The following CDH13 variants were observed in gnomAD, a reference collection of about 807,000 sequenced individuals.
The protein encoded by CDH13 is cadherin-13.
A neutral mutation model predicts 63.8 loss-of-function variants in CDH13; 24 were observed. That is an observed-to-expected ratio of 0.38 (90% CI 0.27 to 0.53). The LOEUF is 0.53. Ranked by LOEUF, CDH13 falls within the 20% of genes least tolerant of loss-of-function variation. The pLI is 0.85. For synonymous variants in CDH13, 503 were observed against 355.3 expected (o/e 1.42, Z -4.67); for missense variants, 1,049 against 903.1 (o/e 1.16, Z -2.07).
chr16:83,308,400 G>A (rs2089926756), intron 5 of CDH13, among the ~76,000 whole-genome samples: 1 of 152,184 alleles, frequency 6.6e-6, no homozygotes, highest in Non-Finnish European at 1.5e-5. Flanking sequence ...GATTTTCCTG[G>A]TGAGATTTCA....
chr16:83,732,714 T>A (rs1373931743), intron 10 of CDH13, among the ~76,000 whole-genome samples: 1 of 152,066 alleles, frequency 6.6e-6, no homozygotes. Context: ...ATACATCTCA[T>A]CCCCCTTGCT....
At chr16:83,352,593 A>G (rs1346533333) in intron 6 of CDH13, among the ~76,000 whole-genome samples, 1 of 152,228 alleles carries the variant, frequency 6.6e-6, no homozygotes, top group African/African-American at 2.4e-5. Flanking sequence ...ATTCAGCCAT[A>G]TAAAAGTATA....
At chr16:83,315,967 C>A (rs911023329) in intron 5 of CDH13, among the ~76,000 whole-genome samples, 1 of 152,136 alleles carries the variant, frequency 6.6e-6, no homozygotes, top group Non-Finnish European at 1.5e-5. Context: ...ACCCAAATTA[C>A]TGGGTAATTT....
intron 7 of CDH13, among the ~76,000 whole-genome samples, chr16:83,489,518 A>G (rs1470659819): frequency 6.6e-6 from 1 of 152,214 alleles, no homozygotes; most frequent in African/African-American, 2.4e-5. Context: ...TTGTGCTGTG[A>G]TAAGCTTCAC....
chr16:83,246,068 C>A (rs117612333), intron 5 of CDH13, among the ~76,000 whole-genome samples: 1 of 152,242 alleles, frequency 6.6e-6, no homozygotes, highest in Admixed American at 6.5e-5. Flanking sequence ...ACCAGGATGT[C>A]TTTTGTCCCA....
chr16:83,665,706 C>G (rs1002215724), intron 8 of CDH13, among the ~76,000 whole-genome samples: 7 of 152,220 alleles, frequency 4.6e-5, no homozygotes, highest in Admixed American at 2.6e-4. Flanking sequence ...TGCAACTAGT[C>G]AAGCATGCAA....
intron 10 of CDH13, among the ~76,000 whole-genome samples, chr16:83,730,975 T>C (rs1360913774): frequency 6.6e-6 from 1 of 152,240 alleles, no homozygotes; most frequent in Non-Finnish European, 1.5e-5. Flanking sequence ...GCATCCATGT[T>C]GCTGCAAAGA....
intron 4 of CDH13, among the ~76,000 whole-genome samples, chr16:83,141,359 AG>A (rs760152530): frequency 8.5e-4 from 129 of 152,288 alleles, no homozygotes; most frequent in Non-Finnish European, 1.4e-3. Flanking sequence ...GGGATGTCCC[AG>A]GGTTTTTAGG....
chr16:83,235,409 C>T (rs994076156), intron 5 of CDH13, among the ~76,000 whole-genome samples: 3 of 152,142 alleles, frequency 2.0e-5, no homozygotes, highest in African/African-American at 7.2e-5. Context: ...TTATGTGAGC[C>T]TTCATCTAAC....
chr16:83,352,738 A>C (rs918081539), intron 6 of CDH13, among the ~76,000 whole-genome samples: 7 of 152,148 alleles, frequency 4.6e-5, no homozygotes, highest in African/African-American at 9.7e-5. Flanking sequence ...AAAATACAAA[A>C]AATTAGCCAG....
At chr16:82,747,233 C>T (rs545060381) in intron 1 of CDH13, among the ~76,000 whole-genome samples, 82 of 152,258 alleles carry the variant, frequency 5.4e-4, no homozygotes, top group African/African-American at 1.4e-3. Flanking sequence ...ATCAGCATAC[C>T]TGGGACCTGG....
At chr16:82,749,998 G>A (rs989654415) in intron 1 of CDH13, among the ~76,000 whole-genome samples, 2 of 152,080 alleles carry the variant, frequency 1.3e-5, no homozygotes, top group African/African-American at 2.4e-5. Flanking sequence ...GGTATTCCTG[G>A]GTGGGGCCAA....
intron 4 of CDH13, among the ~76,000 whole-genome samples, chr16:83,159,367 G>A (rs1278401323): frequency 6.6e-6 from 1 of 152,066 alleles, no homozygotes. Context: ...TGAATCCACA[G>A]TTTTATTTTA....
chr16:82,969,098 C>T (rs1225439836), intron 2 of CDH13, among the ~76,000 whole-genome samples: 9 of 152,124 alleles, frequency 5.9e-5, no homozygotes, highest in Admixed American at 1.3e-4. Flanking sequence ...CAGAATGAGA[C>T]TCTCTCTCAA....
intron 8 of CDH13, among the ~76,000 whole-genome samples, chr16:83,614,698 C>A (rs1909142447): frequency 6.6e-6 from 1 of 152,114 alleles, no homozygotes; most frequent in African/African-American, 2.4e-5. Flanking sequence ...TTTCCCCAAT[C>A]ATCATAAAGA....
chr16:83,047,155 C>T lies in CDH13; in HGVS notation c.366+14937C>T, dbSNP rs1160842355. Among the ~76,000 whole-genome samples the T allele has an allele frequency of 6.6e-6, 1 of 152,050 alleles. No individual in the cohort carries two copies. Among genetic ancestry groups the T allele is most frequent in the East Asian group, 1.9e-4 (1 of 5,182 alleles). On this transcript the variant is annotated intron_variant, in intron 3 of 13. Coordinates refer to ENST00000567109, the MANE Select transcript of CDH13 (RefSeq NM_001257.5). This position sits in a 1 kb window ranked among gnomAD's most constrained non-coding sequence, Gnocchi z 4.9. ...AAACAGTAGTAGTTCTCCGTGAGACCCAAGGAAAGGTCTGCAGACTATAAG... is the reference window on the plus strand; with the variant it reads ...AAACAGTAGTAGTTCTCCGTGAGACTCAAGGAAAGGTCTGCAGACTATAAG...
intron 3 of CDH13, among the ~76,000 whole-genome samples, chr16:83,087,884 G>A (rs1393250584): frequency 6.6e-6 from 1 of 152,056 alleles, no homozygotes; most frequent in Non-Finnish European, 1.5e-5. Flanking sequence ...TGGTTTCATA[G>A]GTAGTAATAA....
intron 1 of CDH13, among the ~76,000 whole-genome samples, chr16:82,796,334 C>G (rs1279543362): frequency 1.3e-5 from 2 of 152,196 alleles, no homozygotes; most frequent in African/African-American, 4.8e-5. Flanking sequence ...CAATCTCGCT[C>G]TTCTCTTCCA....
At chr16:83,218,814 G>A (rs761581659) in intron 5 of CDH13, among the ~76,000 whole-genome samples, 3 of 152,164 alleles carry the variant, frequency 2.0e-5, no homozygotes, top group Non-Finnish European at 4.4e-5. Context: ...GACCCAGTGG[G>A]AGGTAATTGA....
Sources: allele counts gnomAD v4.1 joint callset (sites outside exome capture counted in the v4.1 genomes callset), GRCh38; gene constraint gnomAD v4.1.1; non-coding constraint Gnocchi (gnomAD v3.1); transcripts MANE v1.5; gene names NCBI Gene and HGNC (gene_info 2026-07-23, HGNC 2026-07-21).